The following HIVEP3 variants were observed in gnomAD, a reference collection of about 807,000 sequenced individuals.
HIVEP3 encodes the protein transcription factor HIVEP3.
Under a neutral mutation model 152.8 loss-of-function variants are expected in HIVEP3, and 49 were observed. The ratio of observed to expected loss-of-function variants is 0.32; its 90% CI spans 0.26 to 0.41. HIVEP3 has a LOEUF of 0.41. HIVEP3 is among the 10% of genes least tolerant of loss of function. The probability of loss-of-function intolerance (pLI) is 1.00; values close to 1 mark genes in which losing one functional copy is unlikely to be tolerated. For synonymous variants in HIVEP3, 1,269 were observed against 1,289.0 expected, an observed-to-expected ratio of 0.98 and a Z score of 0.33; for missense variants, 2,790 against 3,103.3, an observed-to-expected ratio of 0.90 and a Z score of 2.40.
chr1:41,802,111 G>A (rs1055317969), intron 1 of HIVEP3, among the ~76,000 whole-genome samples: 2 of 152,240 alleles, frequency 1.3e-5, no homozygotes, highest in African/African-American at 2.4e-5. Flanking sequence ...GTCCCTGCCA[G>A]TTTAGAAAGC....
intron 1 of HIVEP3, among the ~76,000 whole-genome samples, chr1:41,751,780 C>T (rs1375236525): frequency 6.6e-6 from 1 of 152,112 alleles, no homozygotes; most frequent in Non-Finnish European, 1.5e-5. Context: ...AGGCACAGCA[C>T]TAGGCCCATC....
rs1644429386 is a variant in HIVEP3, at chr1:41,510,208, C to T, written c.*243G>A. 2.7e-6 allele frequency: 1 copy of T among 365,972 alleles called. No homozygotes were observed. Among genetic ancestry groups the T allele is most frequent in the Non-Finnish European group, 4.8e-6 (1 of 207,332 alleles). The allele number at this position is 365,972 out of a possible 1,614,324, so 22.7% of individuals were successfully genotyped here. On this transcript the variant is annotated 3_prime_UTR_variant, in exon 9 of 9. Coordinates refer to ENST00000372583, the MANE Select transcript of HIVEP3 (RefSeq NM_024503.5). ...AAACTATTCACAGCCTCAGACTCCT[C>T]GTGGGTTGTTGTTTTTTTTTTAAAT...
chr1:41,987,317 C>T (rs1376952382), intron 1 of HIVEP3, among the ~76,000 whole-genome samples: 6 of 152,110 alleles, frequency 3.9e-5, no homozygotes, highest in African/African-American at 1.2e-4. Flanking sequence ...ATATGTATAC[C>T]TGTGTAACAA....
chr1:41,767,077 G>A (rs981823180), intron 1 of HIVEP3, among the ~76,000 whole-genome samples: 2 of 152,230 alleles, frequency 1.3e-5, no homozygotes, highest in African/African-American at 4.8e-5. Context: ...TCTGGGTCCT[G>A]TGTGGTCCAC....
intron 1 of HIVEP3, among the ~76,000 whole-genome samples, chr1:42,009,207 A>C (rs1423968885): frequency 6.6e-6 from 1 of 152,206 alleles, no homozygotes; most frequent in African/African-American, 2.4e-5. Context: ...GCATTATGCC[A>C]TTGTCTACTG....
At chr1:42,005,678 G>C (rs1020960310) in intron 1 of HIVEP3, among the ~76,000 whole-genome samples, 1 of 152,222 alleles carries the variant, frequency 6.6e-6, no homozygotes, top group Non-Finnish European at 1.5e-5. Context: ...TCAGGAAAGA[G>C]TAAGTTGCTG....
At chr1:41,704,557 C>G (rs1353732815) in intron 1 of HIVEP3, among the ~76,000 whole-genome samples, 1 of 152,224 alleles carries the variant, frequency 6.6e-6, no homozygotes, top group Non-Finnish European at 1.5e-5. Flanking sequence ...CCACTAAGAC[C>G]CCAAGGCTGG....
At chr1:41,929,726 T>TTA (rs55663663) in intron 1 of HIVEP3, among the ~76,000 whole-genome samples, 3,311 of 112,746 alleles carry the variant, frequency 0.029, 119 homozygotes, top group Non-Finnish European at 0.038. Context: ...ATATGTGTTT[T>TTA]TATATATATA....
intron 1 of HIVEP3, among the ~76,000 whole-genome samples, chr1:42,005,923 G>A (rs1645456896): frequency 6.6e-6 from 1 of 152,154 alleles, no homozygotes; most frequent in Admixed American, 6.5e-5. Flanking sequence ...AGTGAGAGTG[G>A]TTTAGAAGTA....
chr1:41,532,500 A>G (rs974799442), intron 5 of HIVEP3, among the ~76,000 whole-genome samples: 22 of 152,130 alleles, frequency 1.4e-4, no homozygotes, highest in African/African-American at 5.1e-4. Flanking sequence ...CTTAAAGAGA[A>G]ATATAAAGTC....
chr1:41,942,065 A>T (rs555875166), intron 1 of HIVEP3, among the ~76,000 whole-genome samples: 1 of 152,344 alleles, frequency 6.6e-6, no homozygotes, highest in South Asian at 2.1e-4. Context: ...GAGAAAGAAG[A>T]TGATTTGGTT....
intron 1 of HIVEP3, among the ~76,000 whole-genome samples, chr1:41,822,634 A>G (rs1255269790): frequency 6.6e-6 from 1 of 152,138 alleles, no homozygotes; most frequent in Non-Finnish European, 1.5e-5. Context: ...GCAGTTCTGC[A>G]TTTTTTCCCA....
chr1:41,881,535 A>G (rs1182764912), intron 1 of HIVEP3, among the ~76,000 whole-genome samples: 1 of 152,136 alleles, frequency 6.6e-6, no homozygotes, highest in Admixed American at 6.5e-5. Flanking sequence ...AGTTCCAAAT[A>G]CTCAATTGAA....
intron 1 of HIVEP3, among the ~76,000 whole-genome samples, chr1:41,777,320 C>A (rs1438459437): frequency 6.6e-6 from 1 of 152,236 alleles, no homozygotes; most frequent in Non-Finnish European, 1.5e-5. Context: ...CAGCCTCCAC[C>A]CAGCTGTTCC....
intron 1 of HIVEP3, among the ~76,000 whole-genome samples, chr1:41,965,707 C>T (rs1443359653): frequency 6.6e-6 from 1 of 152,124 alleles, no homozygotes; most frequent in Non-Finnish European, 1.5e-5. Context: ...ATGAACAAAA[C>T]CTCCAAGAAC....
chr1:41,960,559 G>A lies in HIVEP3; in HGVS notation n.120-42035C>T, dbSNP rs140906073. Among the ~76,000 whole-genome samples the A allele has an allele frequency of 2.9e-3, 449 of 152,268 alleles. 1 individual carries two copies. The highest frequency in any genetic ancestry group is 0.01 in the Middle Eastern group (3 of 294). On this transcript the variant is annotated intron_variant and non_coding_transcript_variant, in intron 1 of 3. Coordinates refer to the HIVEP3 transcript ENST00000489103. The stretch of plus-strand genomic sequence containing the variant: ...TCTCACACTCTAGAGCTCCTCGAAG[G>A]ATTACACTGAAGCCAGACTTCTTCT...
intron 2 of HIVEP3, among the ~76,000 whole-genome samples, chr1:41,682,743 G>T (rs1482055388): frequency 6.6e-6 from 1 of 152,132 alleles, no homozygotes; most frequent in Non-Finnish European, 1.5e-5. Context: ...TGAGACCTCA[G>T]TAAGAGCCTG....
intron 1 of HIVEP3, among the ~76,000 whole-genome samples, chr1:41,796,699 T>A (rs1481513986): frequency 1.3e-5 from 2 of 152,240 alleles, no homozygotes; most frequent in African/African-American, 4.8e-5. Flanking sequence ...TTCTCTGTAT[T>A]TTCTAGATTT....
chr1:41,705,049 T>C (rs750430030), intron 1 of HIVEP3, among the ~76,000 whole-genome samples: 9 of 152,248 alleles, frequency 5.9e-5, no homozygotes, highest in Non-Finnish European at 8.8e-5. Context: ...GCCCAGGCAC[T>C]GTGCGAGGTT....
Sources: gnomAD v4.1 joint callset for allele counts (sites outside exome capture counted in the v4.1 genomes callset) on GRCh38, gnomAD v4.1.1 for gene constraint, MANE v1.5 for transcripts, NCBI Gene and HGNC (gene_info 2026-07-23, HGNC 2026-07-21) for gene names.